SNTG1: variants seen among roughly 807,000 people sequenced by gnomAD.
The protein encoded by SNTG1 is syntrophin gamma 1, also known as gamma-1-syntrophin.
Under a neutral mutation model 74.7 loss-of-function variants are expected in SNTG1, and 39 were observed. That is an observed-to-expected ratio of 0.52 (90% CI 0.40 to 0.68). SNTG1 has a LOEUF of 0.68. SNTG1 is among the 30% of genes least tolerant of loss of function. The pLI, the probability that SNTG1 is intolerant of heterozygous loss-of-function variation, is 0.00. For missense variants in SNTG1, 685 were observed against 609.5 expected, an observed-to-expected ratio of 1.12 and a Z score of -1.30; for synonymous variants, 254 against 217.1, an observed-to-expected ratio of 1.17 and a Z score of -1.49.
At chr8:50,302,831 C>T (rs368236336) in intron 2 of SNTG1, among the ~76,000 whole-genome samples, 1 of 152,118 alleles carries the variant, frequency 6.6e-6, no homozygotes, top group Non-Finnish European at 1.5e-5. Context: ...GCCAAAGAAA[C>T]TTCTTTTCTT....
chr8:49,990,987 T>C (rs1813627589), intron 1 of SNTG1, among the ~76,000 whole-genome samples: 1 of 152,058 alleles, frequency 6.6e-6, no homozygotes. Context: ...AAGACACCAT[T>C]AAGAGAATCA....
chr8:50,326,373 A>T (rs548654980), intron 2 of SNTG1, among the ~76,000 whole-genome samples: 2 of 152,172 alleles, frequency 1.3e-5, no homozygotes, highest in East Asian at 3.9e-4. Context: ...TTTTATAGAT[A>T]TAGGACTATT....
intron 8 of SNTG1, among the ~76,000 whole-genome samples, chr8:50,458,708 A>C (rs927867408): frequency 1.3e-5 from 2 of 152,120 alleles, no homozygotes; most frequent in African/African-American, 4.8e-5. Context: ...TTTCCTAATG[A>C]CTAAAAGTAT....
intron 4 of SNTG1, among the ~76,000 whole-genome samples, chr8:50,422,287 G>A (rs940414906): frequency 7.3e-6 from 1 of 137,462 alleles, no homozygotes; most frequent in Non-Finnish European, 1.5e-5. Context: ...ATCTATCTAT[G>A]TAGATAGGTA....
intron 2 of SNTG1, among the ~76,000 whole-genome samples, chr8:50,292,014 T>A (rs937914315): frequency 1.3e-5 from 2 of 152,126 alleles, no homozygotes; most frequent in Non-Finnish European, 2.9e-5. Flanking sequence ...TGTGCTCTAA[T>A]GTTTGGTTTG....
chr8:50,295,501 A>G (rs1029119863), intron 2 of SNTG1, among the ~76,000 whole-genome samples: 13 of 152,168 alleles, frequency 8.5e-5, no homozygotes, highest in Non-Finnish European at 1.5e-4. Flanking sequence ...CATTGAACAT[A>G]TTGCAGCTGC....
chr8:50,132,488 A>G (rs2081348500), intron 1 of SNTG1, among the ~76,000 whole-genome samples: 1 of 152,278 alleles, frequency 6.6e-6, no homozygotes, highest in South Asian at 2.1e-4. Flanking sequence ...CAGAATATAG[A>G]CATTCTCATT....
chr8:50,489,963 G>A (rs2093836647), intron 8 of SNTG1, among the ~76,000 whole-genome samples: 1 of 152,082 alleles, frequency 6.6e-6, no homozygotes. Flanking sequence ...GTAAGCAAGG[G>A]GTCCAGTTTC....
At chr8:50,331,091 G>A (rs1482566333) in intron 2 of SNTG1, among the ~76,000 whole-genome samples, 1 of 151,980 alleles carries the variant, frequency 6.6e-6, no homozygotes, top group Non-Finnish European at 1.5e-5. Flanking sequence ...TATAAATATG[G>A]TGCACTAGGT....
At chr8:50,319,949 T>C (rs1042115678) in intron 2 of SNTG1, among the ~76,000 whole-genome samples, 3 of 152,218 alleles carry the variant, frequency 2.0e-5, no homozygotes, top group African/African-American at 7.2e-5. Context: ...TCAATATTCA[T>C]CAGCAATATT....
intron 4 of SNTG1, among the ~76,000 whole-genome samples, chr8:50,432,038 C>A (rs11783146): frequency 0.9 from 137,630 of 152,194 alleles, 62,498 homozygotes; most frequent in Non-Finnish European, 0.96. Context: ...AATGTATTCT[C>A]ATTTATCAAC....
At chr8:50,571,286 A>G (rs1016712386) in intron 12 of SNTG1, among the ~76,000 whole-genome samples, 2 of 152,124 alleles carry the variant, frequency 1.3e-5, no homozygotes, top group Admixed American at 6.5e-5. Flanking sequence ...ACCCAAAGAG[A>G]CCGAAGCTAA....
At chr8:50,137,470 C>A (rs1191704594) in intron 1 of SNTG1, among the ~76,000 whole-genome samples, 5 of 152,110 alleles carry the variant, frequency 3.3e-5, no homozygotes, top group Non-Finnish European at 7.4e-5. Context: ...TGGCAGCAAA[C>A]AAAACCAAGA....
At chr8:50,214,227 G>A (rs1463422871) in intron 2 of SNTG1, among the ~76,000 whole-genome samples, 11 of 130,084 alleles carry the variant, frequency 8.5e-5, no homozygotes, top group African/African-American at 2.6e-4. Flanking sequence ...ATGGACACAG[G>A]AAGGGGAACA....
Position 50,439,996 on chromosome 8 carries a change from G to A in SNTG1, c.219+1397G>A, listed in dbSNP as rs562919242. On this transcript the variant is annotated intron_variant, in intron 5 of 18. Coordinates refer to ENST00000642720, the MANE Select transcript of SNTG1 (RefSeq NM_018967.5). ...CAATGCTATCTATTTTTACTAAAATGCCACATTTTAACCTAGTTTTTAAAG... is the reference window on the plus strand; with the variant it reads ...CAATGCTATCTATTTTTACTAAAATACCACATTTTAACCTAGTTTTTAAAG... Among the ~76,000 whole-genome samples, 5 of 151,330 alleles carry A rather than the reference G, an allele frequency of 3.3e-5. No homozygotes were observed. In the South Asian group the frequency reaches 1.0e-3, roughly 31 times the overall value.
At chr8:50,089,285 C>T (rs910162730) in intron 1 of SNTG1, among the ~76,000 whole-genome samples, 14 of 152,146 alleles carry the variant, frequency 9.2e-5, no homozygotes, top group Admixed American at 5.9e-4. Flanking sequence ...AAACGTTAGA[C>T]CTAAAACCAT....
At chr8:50,141,120 C>A (rs1392283270) in intron 1 of SNTG1, among the ~76,000 whole-genome samples, 1 of 152,180 alleles carries the variant, frequency 6.6e-6, no homozygotes, top group Non-Finnish European at 1.5e-5. Context: ...CCAGGTTTCG[C>A]TGATTATGAA....
chr8:50,531,041 C>T (rs993488442), intron 10 of SNTG1, among the ~76,000 whole-genome samples: 6 of 152,158 alleles, frequency 3.9e-5, no homozygotes, highest in African/African-American at 1.4e-4. Flanking sequence ...CGTCATATAG[C>T]TTCTTCAACC....
chr8:50,777,429 T>C (rs2095644140), intron 18 of SNTG1, among the ~76,000 whole-genome samples: 1 of 150,476 alleles, frequency 6.6e-6, no homozygotes, highest in South Asian at 2.1e-4. Context: ...TTTCTGTTAT[T>C]ATATTTATCA....
Sources: gnomAD v4.1 joint callset for allele counts (sites outside exome capture counted in the v4.1 genomes callset) on GRCh38, gnomAD v4.1.1 for gene constraint, MANE v1.5 for transcripts, NCBI Gene and HGNC (gene_info 2026-07-23, HGNC 2026-07-21) for gene names.